The following HDAC4 variants were observed in gnomAD, a reference collection of about 807,000 sequenced individuals.
HDAC4 encodes the protein histone deacetylase 4.
HDAC4 carries 16 observed loss-of-function variants against 135.1 expected under a neutral mutation model. That is an observed-to-expected ratio of 0.12 (90% CI 0.08 to 0.18). The LOEUF (loss-of-function observed/expected upper bound fraction) is 0.18, where lower values mean the gene tolerates loss of function less well. HDAC4 is among the 10% of genes least tolerant of loss of function. The probability of loss-of-function intolerance (pLI) is 1.00; values close to 1 mark genes in which losing one functional copy is unlikely to be tolerated. For synonymous variants in HDAC4, 685 were observed against 653.4 expected (o/e 1.05, Z -0.74); for missense variants, 1,143 against 1,511.8 (o/e 0.76, Z 4.05).
chr2:239,127,754 G>A (rs1447350831), intron 11 of HDAC4, among the ~76,000 whole-genome samples: 2 of 152,206 alleles, frequency 1.3e-5, no homozygotes, highest in Non-Finnish European at 2.9e-5. Flanking sequence ...GCCAGGCGGG[G>A]CTACATGCCT....
chr2:239,183,493 G>T (rs2044287047), intron 4 of HDAC4, among the ~76,000 whole-genome samples: 1 of 152,352 alleles, frequency 6.6e-6, no homozygotes, highest in East Asian at 1.9e-4. Context: ...ACCAGCTGGG[G>T]TAGGGCCACG....
At chr2:239,183,556 C>T (rs1488415788) in intron 4 of HDAC4, among the ~76,000 whole-genome samples, 1 of 152,220 alleles carries the variant, frequency 6.6e-6, no homozygotes, top group African/African-American at 2.4e-5. Context: ...TCACCTGGCC[C>T]CACTGCCCAC....
At chr2:239,228,880 A>G (rs1385211919) in intron 3 of HDAC4, among the ~76,000 whole-genome samples, 3 of 152,126 alleles carry the variant, frequency 2.0e-5, no homozygotes, top group African/African-American at 7.2e-5. Flanking sequence ...AGTCGTTCAC[A>G]CCTGTAATCC....
At chr2:239,080,065 C>A (rs962152139) in intron 22 of HDAC4, among the ~76,000 whole-genome samples, 2 of 149,768 alleles carry the variant, frequency 1.3e-5, no homozygotes, top group Non-Finnish European at 3.0e-5. Context: ...CACAGACACA[C>A]ACACAGATGA....
At position 239,298,286 on chromosome 2, in the gene HDAC4, C is replaced by T. The variant is rs886541077; in HGVS notation, c.22+54392G>A. ...AGACTGGGCTGGTGCCCTGGACAAG[C>T]GGTGGCTTCCAGAAGCTGGGGGAGC... On this transcript the variant is annotated intron_variant, in intron 2 of 26. Coordinates refer to ENST00000543185, the MANE Select transcript of HDAC4 (RefSeq NM_001378414.1). 10 of 1,256,136 alleles carry T rather than the reference C, an allele frequency of 8.0e-6. No individual in the cohort carries two copies. The Admixed American group carries it at 1.1e-4, about 14-fold the overall frequency. The allele number at this position is 1,256,136 out of a possible 1,614,324, so 77.8% of individuals were successfully genotyped here.
intron 2 of HDAC4, among the ~76,000 whole-genome samples, chr2:239,257,042 G>T (rs1475230142): frequency 6.6e-6 from 1 of 152,150 alleles, no homozygotes; most frequent in East Asian, 1.9e-4. Flanking sequence ...TATCCATGTA[G>T]ACAAATAACT....
intron 2 of HDAC4, among the ~76,000 whole-genome samples, chr2:239,266,903 A>G (rs956753629): frequency 1.3e-5 from 2 of 152,124 alleles, no homozygotes; most frequent in East Asian, 1.9e-4. Context: ...CCAGGTCATT[A>G]GTTTCGTCTC....
chr2:239,207,638 C>T (rs527849223), intron 3 of HDAC4, among the ~76,000 whole-genome samples: 3 of 152,306 alleles, frequency 2.0e-5, no homozygotes, highest in East Asian at 3.9e-4. Context: ...GAAGTAGACA[C>T]ATTTCTAGAA....
At chr2:239,210,587 C>G (rs2046311430) in intron 3 of HDAC4, among the ~76,000 whole-genome samples, 1 of 152,186 alleles carries the variant, frequency 6.6e-6, no homozygotes, top group South Asian at 2.1e-4. Context: ...TTGGAGGAGA[C>G]CGGCCCTGCT....
chr2:239,301,129 C>T (rs999164885), intron 2 of HDAC4, among the ~76,000 whole-genome samples: 6 of 152,240 alleles, frequency 3.9e-5, no homozygotes, highest in Admixed American at 3.9e-4. Flanking sequence ...CAAGCATAGC[C>T]AGCACCCCTC....
At chr2:239,347,276 T>C (rs1692786124) in intron 2 of HDAC4, among the ~76,000 whole-genome samples, 2 of 152,174 alleles carry the variant, frequency 1.3e-5, no homozygotes. Context: ...GAGCAGAACA[T>C]GAGGACTGGA....
intron 2 of HDAC4, among the ~76,000 whole-genome samples, chr2:239,249,940 G>A (rs1343224844): frequency 1.3e-5 from 2 of 152,202 alleles, no homozygotes; most frequent in African/African-American, 2.4e-5. Flanking sequence ...CCCCGCGACA[G>A]CTGTGCTCCT....
intron 11 of HDAC4, among the ~76,000 whole-genome samples, chr2:239,127,897 G>A (rs2040305531): frequency 6.6e-6 from 1 of 152,232 alleles, no homozygotes; most frequent in South Asian, 2.1e-4. Context: ...CAGGTTTAGT[G>A]GAGTCCAAGC....
Position 239,049,411 on chromosome 2 carries a change from C to T in HDAC4, c.*3686G>A, listed in dbSNP as rs973536435. On this transcript the variant is annotated 3_prime_UTR_variant, in exon 27 of 27. Transcript: ENST00000543185. Reference sequence around the variant, plus strand: ...ATCTGTATACAATATAAAGTCATGCCGGTCGTACAGTCCATGCAACCTCCA... The same window carrying T: ...ATCTGTATACAATATAAAGTCATGCTGGTCGTACAGTCCATGCAACCTCCA... 13 of 152,128 alleles carry T rather than the reference C, an allele frequency of 8.5e-5. No individual in the cohort carries two copies. The East Asian group carries it at 1.2e-3, about 14-fold the overall frequency. The allele number at this position is 152,128 out of a possible 1,614,324, so 9.4% of individuals were successfully genotyped here.
Position 239,400,670 on chromosome 2 carries a change from G to T in HDAC4, c.-220+308C>A, listed in dbSNP as rs1015740236. The T allele has an allele frequency of 1.4e-5, 2 of 146,316 alleles. No individual in the cohort carries two copies. The highest frequency in any genetic ancestry group is 4.9e-5 in the African/African-American group (2 of 40,634). 9.1% of individuals were successfully genotyped at this position (146,316 alleles called of 1,614,324 possible). A position where few individuals can be genotyped will look rare whatever the true frequency, so the allele number is the denominator to read the frequency against. On this transcript the variant is annotated intron_variant, in intron 1 of 26. Coordinates refer to ENST00000543185, the MANE Select transcript of HDAC4 (RefSeq NM_001378414.1). This position sits in a 1 kb window ranked among gnomAD's most constrained non-coding sequence, Gnocchi z 4.7. The stretch of plus-strand genomic sequence containing the variant: ...GGGCGGCGGACAATGGCCCGCGGGC[G>T]CCGGGCCGGGGCTGCGCTTACCGCG...
At chr2:239,297,734 G>A (rs1254009817) in intron 2 of HDAC4, among the ~76,000 whole-genome samples, 1 of 152,184 alleles carries the variant, frequency 6.6e-6, no homozygotes, top group Non-Finnish European at 1.5e-5. Context: ...CACCCTCTGG[G>A]CTCAGCCCCA....
chr2:239,092,984 G>T (rs901194994), intron 17 of HDAC4, among the ~76,000 whole-genome samples: 1 of 152,122 alleles, frequency 6.6e-6, no homozygotes, highest in Non-Finnish European at 1.5e-5. Context: ...TAATCCCATG[G>T]AGTCTAAAAG....
At chr2:239,213,946 G>A (rs138340272) in intron 3 of HDAC4, among the ~76,000 whole-genome samples, 129 of 152,370 alleles carry the variant, frequency 8.5e-4, no homozygotes, top group African/African-American at 3.1e-3. Context: ...GAGGCAGGGA[G>A]GTAGAGAAAT....
At chr2:239,070,369 A>T (rs1195141648) in intron 22 of HDAC4, among the ~76,000 whole-genome samples, 2 of 152,256 alleles carry the variant, frequency 1.3e-5, no homozygotes, top group African/African-American at 4.8e-5. Flanking sequence ...GGAAATAAGG[A>T]AAGTATTCTA....
Sources: allele counts gnomAD v4.1 joint callset (sites outside exome capture counted in the v4.1 genomes callset), GRCh38; gene constraint gnomAD v4.1.1; non-coding constraint Gnocchi (gnomAD v3.1); transcripts MANE v1.5; gene names NCBI Gene and HGNC (gene_info 2026-07-23, HGNC 2026-07-21).